The following DLG2 variants were observed in gnomAD, a reference collection of about 807,000 sequenced individuals.
DLG2 encodes the protein discs large MAGUK scaffold protein 2.
DLG2 carries 45 observed loss-of-function variants against 132.5 expected under a neutral mutation model. The ratio of observed to expected loss-of-function variants is 0.34; its 90% CI spans 0.27 to 0.44. The LOEUF is 0.44. Among genes scored for constraint, DLG2 ranks in the 20% least tolerant of loss-of-function variants. DLG2 has a pLI of 1.00. For missense variants in DLG2, 1,045 were observed against 1,196.9 expected (o/e 0.87, Z 1.87); for synonymous variants, 424 against 419.6 (o/e 1.01, Z -0.13).
At chr11:84,413,566 T>C (rs2098917641) in intron 7 of DLG2, among the ~76,000 whole-genome samples, 1 of 152,160 alleles carries the variant, frequency 6.6e-6, no homozygotes, top group Non-Finnish European at 1.5e-5. Context: ...GAAGCATTCA[T>C]GGGAATATGA....
chr11:84,886,794 C>G (rs1600841951), intron 6 of DLG2, among the ~76,000 whole-genome samples: 3 of 152,090 alleles, frequency 2.0e-5, no homozygotes, highest in Non-Finnish European at 4.4e-5. Context: ...TCACATGCAA[C>G]CTTGTCAAAC....
At chr11:83,786,986 TGTG>T (rs2040104464) in intron 17 of DLG2, among the ~76,000 whole-genome samples, 194 bp from the exon 18 acceptor site, 1 of 152,168 alleles carries the variant, frequency 6.6e-6, no homozygotes, top group South Asian at 2.1e-4. Context: ...AATTTCACCT[TGTG>T]GTGTTTGTGC....
At chr11:84,983,487 C>A (rs1386601729) in intron 6 of DLG2, among the ~76,000 whole-genome samples, 8 of 151,924 alleles carry the variant, frequency 5.3e-5, no homozygotes, top group African/African-American at 1.9e-4. Flanking sequence ...AAAAAAAAAT[C>A]TGAACAGCAG....
At chr11:84,393,445 T>C (rs11822026) in intron 7 of DLG2, among the ~76,000 whole-genome samples, 8,483 of 152,224 alleles carry the variant, frequency 0.056, 767 homozygotes, top group African/African-American at 0.19. Context: ...TATGTTCTTG[T>C]TTTTCTTTAT....
At chr11:84,392,244 G>A (rs929719589) in intron 7 of DLG2, among the ~76,000 whole-genome samples, 6 of 152,072 alleles carry the variant, frequency 3.9e-5, no homozygotes, top group African/African-American at 7.2e-5. Context: ...CCCCGCTAGC[G>A]TGCAGAGCCT....
chr11:85,461,504 G>A (rs988170525), intron 3 of DLG2, among the ~76,000 whole-genome samples: 1 of 152,210 alleles, frequency 6.6e-6, no homozygotes, highest in African/African-American at 2.4e-5. Context: ...GCCATGAGTG[G>A]AGTATATACT....
At chr11:84,630,603 C>A (rs1021280433) in intron 6 of DLG2, among the ~76,000 whole-genome samples, 2 of 152,152 alleles carry the variant, frequency 1.3e-5, no homozygotes, top group African/African-American at 4.8e-5. Flanking sequence ...GTATGTTAGT[C>A]TTTAATGTGC....
intron 19 of DLG2, among the ~76,000 whole-genome samples, chr11:83,546,765 T>A (rs1428347248): frequency 1.3e-5 from 2 of 152,140 alleles, no homozygotes; most frequent in African/African-American, 4.8e-5. Flanking sequence ...CATGATTTGA[T>A]GATAACACTT....
intron 15 of DLG2, among the ~76,000 whole-genome samples, chr11:83,925,279 T>C (rs1174767415): frequency 2.6e-5 from 4 of 152,156 alleles, no homozygotes; most frequent in Non-Finnish European, 5.9e-5. Context: ...TTTGCTTCTG[T>C]GTACAGGCTA....
intron 7 of DLG2, among the ~76,000 whole-genome samples, chr11:84,367,984 A>G (rs17806938): frequency 7.2e-5 from 11 of 152,142 alleles, no homozygotes; most frequent in Admixed American, 7.2e-4. Context: ...CTTACCCTGT[A>G]CCTACATTTT....
At chr11:84,502,158 CT>C (rs2099209168) in intron 7 of DLG2, among the ~76,000 whole-genome samples, 1 of 62,852 alleles carries the variant, frequency 1.6e-5, no homozygotes, top group African/African-American at 1.4e-4. Flanking sequence ...TCCTTCCTTC[CT>C]TTCTCTCTCT....
intron 3 of DLG2, among the ~76,000 whole-genome samples, chr11:85,491,454 T>C (rs1232751435): frequency 1.3e-5 from 2 of 152,000 alleles, no homozygotes; most frequent in Admixed American, 1.3e-4. Context: ...GTCACCCAAA[T>C]TGTAAAGAAA....
At chr11:84,891,810 A>G (rs2089442317) in intron 6 of DLG2, among the ~76,000 whole-genome samples, 1 of 152,194 alleles carries the variant, frequency 6.6e-6, no homozygotes, top group Non-Finnish European at 1.5e-5. Context: ...AGATATGTGA[A>G]CAGCCCTGTG....
chr11:85,175,115 A>T (rs1269526555), intron 4 of DLG2, among the ~76,000 whole-genome samples: 12 of 152,312 alleles, frequency 7.9e-5, no homozygotes, highest in Non-Finnish European at 1.5e-5. Flanking sequence ...AACACATTTT[A>T]TGAGGCTAGC....
intron 7 of DLG2, among the ~76,000 whole-genome samples, chr11:84,278,550 C>A (rs968412583): frequency 1.3e-5 from 2 of 151,824 alleles, no homozygotes; most frequent in South Asian, 2.1e-4. Context: ...TATCAATAAA[C>A]CCTCATGAAT....
chr11:84,764,788 T>G (rs2068162044), intron 6 of DLG2, among the ~76,000 whole-genome samples: 2 of 152,084 alleles, frequency 1.3e-5, no homozygotes, highest in Admixed American at 1.3e-4. Flanking sequence ...TGTGCTTAGT[T>G]TGGCATTCTG....
At chr11:84,717,551 T>C (rs2061365869) in intron 6 of DLG2, among the ~76,000 whole-genome samples, 1 of 152,074 alleles carries the variant, frequency 6.6e-6, no homozygotes. Context: ...ATTTGTTAAT[T>C]AATTTTCATA....
rs147008140 is a variant in DLG2, at chr11:83,683,352, C to T, written c.1826-50027G>A. ...AGATTCAGGGAGGTCAACTAATCCA[C>T]GCAGGATCATATATCTGTTAAGTGG... On this transcript the variant is annotated intron_variant, in intron 18 of 27. Transcript: ENST00000376104. Among the ~76,000 whole-genome samples the T allele has an allele frequency of 6.4e-4, 98 of 152,220 alleles. No individual in the cohort carries two copies. In the East Asian group the frequency reaches 0.015, roughly 24 times the overall value.
intron 7 of DLG2, among the ~76,000 whole-genome samples, chr11:84,299,154 A>C (rs1302646890): frequency 1.3e-5 from 2 of 152,174 alleles, no homozygotes; most frequent in Non-Finnish European, 2.9e-5. Flanking sequence ...AAACATGTTT[A>C]ATCCAACATA....
Sources: allele counts gnomAD v4.1 joint callset (sites outside exome capture counted in the v4.1 genomes callset), GRCh38; gene constraint gnomAD v4.1.1; transcripts MANE v1.5; gene names NCBI Gene and HGNC (gene_info 2026-07-23, HGNC 2026-07-21).